The following SLC71A2 variants were observed in gnomAD, a reference collection of about 807,000 sequenced individuals.
SLC71A2 encodes hippocampus abundant transcript-like 1.
chr9:94,375,191 G>A, the SLC71A2 span, among the ~76,000 whole-genome samples: 1 of 152,092 alleles, frequency 6.6e-6, no homozygotes, highest in Non-Finnish European at 1.5e-5. Flanking sequence ...TGGTTATTTC[G>A]GAGTTCTCCG....
At chr9:94,396,058 T>G in the SLC71A2 span, among the ~76,000 whole-genome samples, 1 of 151,702 alleles carries the variant, frequency 6.6e-6, no homozygotes, top group South Asian at 2.1e-4. Flanking sequence ...GGATGTGTGC[T>G]AAATGGAAAA....
At chr9:94,454,360 A>G in the SLC71A2 span, among the ~76,000 whole-genome samples, 1 of 151,958 alleles carries the variant, frequency 6.6e-6, no homozygotes, top group Non-Finnish European at 1.5e-5. Context: ...TTTTTAAAGC[A>G]TATGCCAATT....
At chr9:94,455,378 A>ATTTTTTTTTT in the SLC71A2 span, among the ~76,000 whole-genome samples, 23 of 85,776 alleles carry the variant, frequency 2.7e-4, no homozygotes, top group African/African-American at 5.0e-4. Context: ...TAATATTCTG[A>ATTTTTTTTTT]TTTTTTTTTT....
chr9:94,444,326 G>T, the SLC71A2 span, among the ~76,000 whole-genome samples: 1 of 152,220 alleles, frequency 6.6e-6, no homozygotes, highest in East Asian at 1.9e-4. Context: ...ATAGGGTCAG[G>T]TGGTGACAGA....
the SLC71A2 span, among the ~76,000 whole-genome samples, chr9:94,405,494 G>A: frequency 1.6e-4 from 21 of 128,366 alleles, no homozygotes; most frequent in African/African-American, 3.1e-4. Flanking sequence ...GCGAGACTCC[G>A]TCTCAAAAAA....
At chr9:94,427,114 G>A in the SLC71A2 span, among the ~76,000 whole-genome samples, 1 of 152,096 alleles carries the variant, frequency 6.6e-6, no homozygotes, top group Non-Finnish European at 1.5e-5. Flanking sequence ...AACATTTGTT[G>A]CCTTTTGTAG....
At chr9:94,417,160 A>G in the SLC71A2 span, among the ~76,000 whole-genome samples, 2 of 152,212 alleles carry the variant, frequency 1.3e-5, no homozygotes, top group Admixed American at 6.5e-5. Context: ...TAATATGAAT[A>G]TAGATAAACC....
the SLC71A2 span, among the ~76,000 whole-genome samples, chr9:94,450,716 G>A: frequency 1.5e-4 from 23 of 152,108 alleles, no homozygotes; most frequent in African/African-American, 5.5e-4. Flanking sequence ...GTCTCGAACT[G>A]CTGACCTGAT....
At chr9:94,422,375 A>G in the SLC71A2 span, among the ~76,000 whole-genome samples, 1 of 152,200 alleles carries the variant, frequency 6.6e-6, no homozygotes, top group Non-Finnish European at 1.5e-5. Flanking sequence ...CAAATTGCTG[A>G]ACTTAGAGAT....
At chr9:94,379,530 T>C in the SLC71A2 span, among the ~76,000 whole-genome samples, 1 of 149,646 alleles carries the variant, frequency 6.7e-6, no homozygotes, top group South Asian at 2.2e-4. Flanking sequence ...GCAAGGACTA[T>C]AGGCACGTGG....
the SLC71A2 span, among the ~76,000 whole-genome samples, chr9:94,420,418 C>A: frequency 6.6e-6 from 1 of 152,082 alleles, no homozygotes; most frequent in African/African-American, 2.4e-5. Context: ...GCCTGAAGTT[C>A]AGTAACTTAA....
At chr9:94,450,719 G>C in the SLC71A2 span, among the ~76,000 whole-genome samples, 1 of 152,096 alleles carries the variant, frequency 6.6e-6, no homozygotes, top group African/African-American at 2.4e-5. Flanking sequence ...TCGAACTGCT[G>C]ACCTGATGAT....
the SLC71A2 span, chr9:94,459,045 T>C: frequency 1.1e-5 from 12 of 1,123,780 alleles, no homozygotes; most frequent in Admixed American, 1.3e-4. Flanking sequence ...AAACATTTGC[T>C]TATGAGAATA....
the SLC71A2 span, among the ~76,000 whole-genome samples, chr9:94,438,857 T>C: frequency 1.3e-5 from 2 of 152,222 alleles, no homozygotes; most frequent in African/African-American, 4.8e-5. Flanking sequence ...CCTGTCTTCA[T>C]TACTGTGACT....
At chr9:94,399,560 G>C in the SLC71A2 span, among the ~76,000 whole-genome samples, 2 of 152,242 alleles carry the variant, frequency 1.3e-5, no homozygotes, top group South Asian at 4.1e-4. Context: ...TCCTTCTCTT[G>C]TTTATTTGTA....
chr9:94,457,321 A>G, the SLC71A2 span, among the ~76,000 whole-genome samples: 276 of 152,114 alleles, frequency 1.8e-3, no homozygotes, highest in African/African-American at 6.3e-3. Flanking sequence ...TCTATCTCCT[A>G]ATGGCTCACC....
At chr9:94,444,428 G>A in the SLC71A2 span, among the ~76,000 whole-genome samples, 1 of 152,220 alleles carries the variant, frequency 6.6e-6, no homozygotes. Flanking sequence ...TCTAAGAATA[G>A]CAGAGGGTTC....
At chr9:94,405,153 A>G in the SLC71A2 span, among the ~76,000 whole-genome samples, 37 of 152,104 alleles carry the variant, frequency 2.4e-4, no homozygotes, top group Admixed American at 2.0e-3. Flanking sequence ...TTTGTGACAT[A>G]TATGTATTTA....
chr9:94,404,766 T>C, the SLC71A2 span, among the ~76,000 whole-genome samples: 1 of 152,220 alleles, frequency 6.6e-6, no homozygotes, highest in African/African-American at 2.4e-5. Flanking sequence ...GATTTGCATG[T>C]ATTTTGTGCC....
Sources: allele counts gnomAD v4.1 joint callset (sites outside exome capture counted in the v4.1 genomes callset), GRCh38; gene constraint gnomAD v4.1.1; transcripts MANE v1.5; gene names NCBI Gene and HGNC (gene_info 2026-07-23, HGNC 2026-07-21).